Variants in STAB2 observed in about 807,000 individuals in gnomAD.
STAB2 encodes stabilin 2, also known as stabilin-2.
Under a neutral mutation model 338.1 loss-of-function variants are expected in STAB2, and 288 were observed. The observed-to-expected ratio is 0.85, with a 90% CI of 0.77 to 0.94. STAB2 has a LOEUF of 0.94. STAB2 is among the 40% of genes least tolerant of loss of function. The pLI, the probability that STAB2 is intolerant of heterozygous loss-of-function variation, is 0.00. For synonymous variants in STAB2, 1,202 were observed against 1,193.3 expected (o/e 1.01, Z -0.15); for missense variants, 3,141 against 3,210.1 (o/e 0.98, Z 0.52).
intron 3 of STAB2, among the ~76,000 whole-genome samples, chr12:103,616,678 C>T (rs1467129004): frequency 1.3e-5 from 2 of 152,342 alleles, no homozygotes; most frequent in East Asian, 3.9e-4. Flanking sequence ...CTTGTACACC[C>T]ATTTCTGGGG....
intron 34 of STAB2, among the ~76,000 whole-genome samples, chr12:103,702,592 C>T (rs1192312236): frequency 4.6e-5 from 7 of 152,258 alleles, no homozygotes; most frequent in African/African-American, 7.2e-5. Context: ...AGCCACCGCG[C>T]CCGGCCTATC....
At chr12:103,591,115 T>G in intron 2 of STAB2, 85 bp downstream of exon 2, 1 of 1,578,510 alleles carries the variant, frequency 6.3e-7, no homozygotes, top group Non-Finnish European at 8.6e-7. Flanking sequence ...TTTCCATGAC[T>G]TTTCTCTTGC....
intron 2 of STAB2, among the ~76,000 whole-genome samples, chr12:103,591,709 A>T (rs1956800882): frequency 6.6e-6 from 1 of 152,194 alleles, no homozygotes; most frequent in African/African-American, 2.4e-5. Context: ...GAAGGGGGAA[A>T]GATGAATTGC....
At chr12:103,591,071 A>G (rs1443763827) in intron 2 of STAB2, 41 bp downstream of exon 2, 1 of 1,610,264 alleles carries the variant, frequency 6.2e-7, no homozygotes, top group South Asian at 1.1e-5. Context: ...TATGAATCCA[A>G]CTTGAAGCTC....
At chr12:103,671,091 C>T (rs181139672) in intron 22 of STAB2, among the ~76,000 whole-genome samples, 1 of 152,322 alleles carries the variant, frequency 6.6e-6, no homozygotes, top group Admixed American at 6.5e-5. Context: ...GTCTGGGAAG[C>T]ACACTTTGAA....
rs1874859610 is a variant in STAB2, at chr12:103,664,112, A to AGTGTTTTGTTTTGTTTT, written c.2022+1116_2022+1117insGTTTTGTTTTGTTTTGT. 4.0e-5 allele frequency among the ~76,000 whole-genome samples: 6 copies of AGTGTTTTGTTTTGTTTT among 151,438 alleles called. No homozygotes were observed. In the South Asian group the frequency reaches 1.3e-3, roughly 32 times the overall value. On this transcript the variant is annotated intron_variant, in intron 18 of 68. Transcript: ENST00000388887. ...TCCATAGCAACTTTTTGGCTCAGCC[A>AGTGTTTTGTTTTGTTTT]GTTTTGTTTTGTTTTGTTTTTGTTT...
chr12:103,715,889 G>C lies in STAB2; in HGVS notation c.4611+1G>C. ...GTGCACACAGACAGGACCCAACCAGGTGAGTGCCACCTCTCCCAGGCCCTT... is the reference window on the plus strand; with the variant it reads ...GTGCACACAGACAGGACCCAACCAGCTGAGTGCCACCTCTCCCAGGCCCTT... On this transcript the variant is annotated splice_donor_variant, in intron 43 of 68. Transcript: ENST00000388887. LOFTEE classifies it high-confidence loss of function. 6.2e-7 allele frequency: 1 copy of C among 1,613,958 alleles called. No individual in the cohort carries two copies. The highest frequency in any genetic ancestry group is 8.5e-7 in the Non-Finnish European group (1 of 1,179,918).
intron 27 of STAB2, among the ~76,000 whole-genome samples, chr12:103,687,361 A>G (rs908737073): frequency 6.6e-6 from 1 of 152,076 alleles, no homozygotes; most frequent in African/African-American, 2.4e-5. Context: ...ACGCCTTCAA[A>G]TGTCACTGCT....
chr12:103,717,435 T>G (rs185622927), intron 43 of STAB2, among the ~76,000 whole-genome samples: 22 of 152,248 alleles, frequency 1.4e-4, no homozygotes, highest in African/African-American at 5.1e-4. Context: ...TAGTTGGGCT[T>G]CTTCTCAACT....
intron 28 of STAB2, 87 bp downstream of exon 28, chr12:103,688,302 T>G: frequency 7.7e-7 from 1 of 1,295,916 alleles, no homozygotes; most frequent in Non-Finnish European, 1.1e-6. Context: ...AAAATGCAGC[T>G]GGTAAGGAGT....
At chr12:103,714,666 G>A (rs1280622033) in intron 42 of STAB2, among the ~76,000 whole-genome samples, 2 of 148,918 alleles carry the variant, frequency 1.3e-5, no homozygotes, top group Non-Finnish European at 3.0e-5. Context: ...CAGCCTGGGC[G>A]ATGGAGTGAG....
intron 63 of STAB2, among the ~76,000 whole-genome samples, chr12:103,756,584 C>A (rs920860535): frequency 6.6e-6 from 1 of 152,188 alleles, no homozygotes; most frequent in Non-Finnish European, 1.5e-5. Context: ...AAGGACACAG[C>A]CTAACTCATC....
intron 44 of STAB2, among the ~76,000 whole-genome samples, chr12:103,724,695 T>G (rs879481314): frequency 6.6e-6 from 1 of 152,168 alleles, no homozygotes; most frequent in Admixed American, 6.5e-5. Context: ...ACCTGGATGC[T>G]GAGAAATTTC....
chr12:103,702,961 C>A lies in STAB2; in HGVS notation c.3715-187C>A, dbSNP rs78037306. Among the ~76,000 whole-genome samples the A allele has an allele frequency of 1.5e-3, 229 of 152,316 alleles. 2 individuals are homozygous for A. The highest frequency in any genetic ancestry group is 5.2e-3 in the African/African-American group (216 of 41,572). On this transcript the variant is annotated intron_variant, in intron 34 of 68. Coordinates refer to ENST00000388887, the MANE Select transcript of STAB2 (RefSeq NM_017564.10). The stretch of plus-strand genomic sequence containing the variant: ...GGCCTAAGGTCACACAGCTAGATGG[C>A]GCCAGGACTGTTATTCAGACTTCCG...
At chr12:103,612,082 G>T (rs1593139612) in intron 3 of STAB2, among the ~76,000 whole-genome samples, 3 of 152,282 alleles carry the variant, frequency 2.0e-5, no homozygotes, top group Non-Finnish European at 4.4e-5. Flanking sequence ...GCTTCTCTTT[G>T]TGTAACCCGA....
At chr12:103,649,912 A>G (rs1428387891) in intron 10 of STAB2, among the ~76,000 whole-genome samples, 1 of 152,100 alleles carries the variant, frequency 6.6e-6, no homozygotes, top group Admixed American at 6.5e-5. Context: ...TCCCCATGAC[A>G]AAGTCCTTAT....
chr12:103,615,992 A>G (rs959291949), intron 3 of STAB2, among the ~76,000 whole-genome samples: 18 of 152,180 alleles, frequency 1.2e-4, no homozygotes, highest in African/African-American at 4.3e-4. Context: ...ATACCTAATG[A>G]GGAGGGCCTT....
chr12:103,628,887 G>A (rs1465762233), intron 5 of STAB2, among the ~76,000 whole-genome samples: 1 of 152,108 alleles, frequency 6.6e-6, no homozygotes, highest in East Asian at 1.9e-4. Context: ...AAAAATTATT[G>A]AACAAAACAT....
intron 37 of STAB2, among the ~76,000 whole-genome samples, chr12:103,706,362 A>G (rs1191270710): frequency 6.6e-6 from 1 of 152,182 alleles, no homozygotes; most frequent in Non-Finnish European, 1.5e-5. Flanking sequence ...GTAAAATGCC[A>G]AAAGCCTCAC....
Sources: gnomAD v4.1 joint callset for allele counts (sites outside exome capture counted in the v4.1 genomes callset) on GRCh38, gnomAD v4.1.1 for gene constraint, MANE v1.5 for transcripts, NCBI Gene and HGNC (gene_info 2026-07-23, HGNC 2026-07-21) for gene names.